The following S100A12 variants were observed in gnomAD, a reference collection of about 807,000 sequenced individuals.
S100A12 encodes the protein protein S100-A12.
S100A12 carries 3 observed loss-of-function variants against 4.0 expected under a neutral mutation model. The observed-to-expected ratio is 0.75, with a 90% CI of 0.34 to 1.94. The LOEUF (loss-of-function observed/expected upper bound fraction) is 1.94, where lower values mean the gene tolerates loss of function less well. Among genes scored for constraint, S100A12 ranks in the 30% most tolerant of loss-of-function variants. The probability of loss-of-function intolerance (pLI) is 0.07; values close to 1 mark genes in which losing one functional copy is unlikely to be tolerated. For missense variants in S100A12, 122 were observed against 107.0 expected, an observed-to-expected ratio of 1.14 and a Z score of -0.62; for synonymous variants, 50 against 41.4, an observed-to-expected ratio of 1.21 and a Z score of -0.79.
intron 1 of S100A12, 96 bp downstream of exon 1, chr1:153,375,456 G>A (rs1661713598): frequency 6.6e-6 from 1 of 152,454 alleles, no homozygotes; most frequent in East Asian, 1.9e-4. Flanking sequence ...GCAAGTGGAG[G>A]GTTGTGGTTT....
chr1:153,373,997 G>A (rs1254774284), intron 2 of S100A12, 30 bp from the exon 3 acceptor site: 5 of 1,610,208 alleles, frequency 3.1e-6, no homozygotes, highest in East Asian at 2.2e-5. Context: ...GAGACCTTGA[G>A]TTCAGAACCT....
Position 153,373,761 on chromosome 1 carries a change from T to G in S100A12, c.*66A>C. 1 of 1,386,200 alleles carries G rather than the reference T, an allele frequency of 7.2e-7. No homozygotes were observed. Among genetic ancestry groups the G allele is most frequent in the Non-Finnish European group, 1.0e-6 (1 of 979,054 alleles). The allele number at this position is 1,386,200 out of a possible 1,614,324, so 85.9% of individuals were successfully genotyped here. A position where few individuals can be genotyped will look rare whatever the true frequency, so the allele number is the denominator to read the frequency against. On this transcript the variant is annotated 3_prime_UTR_variant, in exon 3 of 3. Transcript: ENST00000368737. ...TTACTCCCCACGGGCAAGGCTGGGT[T>G]TTGGTGAGGGAAAGAAAAGACCCTC...
rs149178986 is a variant in S100A12, at chr1:153,374,547, G to A, written c.46C>T (p.His16Tyr). 1 of 1,613,616 alleles carries A rather than the reference G, an allele frequency of 6.2e-7. No individual in the cohort carries two copies. Among genetic ancestry groups the A allele is most frequent in the Non-Finnish European group, 8.5e-7 (1 of 1,179,574 alleles). The change falls in exon 2 of 3, where the codon CAC (histidine) becomes TAC (tyrosine). Residue 16 changes from histidine (H) to tyrosine (Y), a missense_variant. Transcript: ENST00000368737. ...TGCCCCTTCCGAACTGAGTATTGGT[G>A]GAAGATATTGACAATTCCCTCCAGA... ...EHLEGIVNIF[H>Y]QYSVRKGHFD...
intron 1 of S100A12, among the ~76,000 whole-genome samples, chr1:153,375,110 G>A (rs557965597): frequency 3.3e-5 from 5 of 152,248 alleles, no homozygotes; most frequent in Admixed American, 6.5e-5. Context: ...GCAGTAGGGC[G>A]ATCTCGGCTC....
At chr1:153,374,049 C>G (rs2233864) in intron 2 of S100A12, 82 bp from the exon 3 acceptor site, 1 of 1,377,426 alleles carries the variant, frequency 7.3e-7, no homozygotes, top group African/African-American at 1.4e-5. Flanking sequence ...CCTCAGAGCT[C>G]GGGTTGTGAA....
At chr1:153,374,957 A>C (rs1341709139) in intron 1 of S100A12, among the ~76,000 whole-genome samples, 1 of 152,198 alleles carries the variant, frequency 6.6e-6, no homozygotes, top group African/African-American at 2.4e-5. Context: ...AGGTGATGGC[A>C]CTATGGCCAC....
chr1:153,375,327 C>T (rs913176747), intron 1 of S100A12, among the ~76,000 whole-genome samples: 3 of 152,116 alleles, frequency 2.0e-5, no homozygotes, highest in Non-Finnish European at 2.9e-5. Flanking sequence ...GGATTACAGG[C>T]GTGAGCCACC....
At chr1:153,375,337 C>T (rs1045436276) in intron 1 of S100A12, among the ~76,000 whole-genome samples, 5 of 152,206 alleles carry the variant, frequency 3.3e-5, no homozygotes, top group East Asian at 3.9e-4. Flanking sequence ...CGTGAGCCAC[C>T]GTACCCGGCC....
intron 2 of S100A12, 68 bp from the exon 3 acceptor site, chr1:153,374,035 T>C (rs1336205326): frequency 1.4e-6 from 2 of 1,473,156 alleles, no homozygotes; most frequent in Non-Finnish European, 1.9e-6. Flanking sequence ...TTAGGCCTCT[T>C]ATCCCTCAGA....
In S100A12 at chr1:153,374,465, T is replaced by C; in HGVS notation, c.128A>G (p.Asn43Ser). The C allele has an allele frequency of 6.2e-7, 1 of 1,613,534 alleles. No individual in the cohort carries two copies. The highest frequency in any genetic ancestry group is 1.1e-5 in the South Asian group (1 of 91,020). ...AGGGGCATCACCTACCTTGATGGTG[T>C]TTGCAAGCTCCTTTGTAAGCAGCTG... Reference protein sequence around the residue: ...LKQLLTKELANTIKNIKDKAV... With the variant: ...LKQLLTKELASTIKNIKDKAV... The change falls in exon 2 of 3, where the codon AAC (asparagine) becomes AGC (serine). Residue 43 changes from asparagine to serine, a missense_variant. Transcript: ENST00000368737.
In S100A12 at chr1:153,373,974, A is replaced by T; in HGVS notation, c.139-7T>A. On this transcript the variant is annotated splice_region_variant and splice_polypyrimidine_tract_variant and intron_variant, in intron 2 of 2. Coordinates refer to ENST00000368737, the MANE Select transcript of S100A12 (RefSeq NM_005621.2). ...CAGCTTTATCTTTGATATTCTAGGA[A>T]AAAAGGACAACAGAGACCTTGAGTT... is the stretch of plus-strand genomic sequence containing the variant. 1.2e-6 allele frequency: 2 copies of T among 1,613,590 alleles called. No homozygotes were observed. Among genetic ancestry groups the T allele is most frequent in the Non-Finnish European group, 1.7e-6 (2 of 1,179,498 alleles).
chr1:153,374,240 C>A (rs576820745), intron 2 of S100A12, among the ~76,000 whole-genome samples: 1 of 152,298 alleles, frequency 6.6e-6, no homozygotes, highest in Non-Finnish European at 1.5e-5. Context: ...TATGAGGAAA[C>A]AGACTCAGAG....
intron 1 of S100A12, among the ~76,000 whole-genome samples, chr1:153,375,063 T>C (rs1417769840): frequency 6.6e-6 from 1 of 151,838 alleles, no homozygotes; most frequent in Non-Finnish European, 1.5e-5. Flanking sequence ...TTGTTTGTTT[T>C]TGAGACGGAG....
Position 153,373,917 on chromosome 1 carries a change from A to G in S100A12, c.189T>C (p.Ala63=), listed in dbSNP as rs1364099851. 3 of 1,613,010 alleles carry G rather than the reference A, an allele frequency of 1.9e-6. No homozygotes were observed. In the East Asian group the frequency reaches 6.7e-5, roughly 36 times the overall value. Residue 63 remains alanine (A), a synonymous_variant, in exon 3 of 3, where the codon GCT becomes GCC. Transcript: ENST00000368737. ...VIDEIFQGLD[A]NQDEQVDFQE... ...GAAAGTCGACCTGTTCATCTTGATTAGCATCCAGGCCTTGGAATATTTCAT... is the reference window on the plus strand; with the variant it reads ...GAAAGTCGACCTGTTCATCTTGATTGGCATCCAGGCCTTGGAATATTTCAT...
chr1:153,374,439 GA>G lies in S100A12; in HGVS notation c.138+15del. On this transcript the variant is annotated intron_variant, in intron 2 of 2. Coordinates refer to ENST00000368737, the MANE Select transcript of S100A12 (RefSeq NM_005621.2). ...AGGGTCATGGGCAAGTTTGCAGTGA[GA>G]GGGGCATCACCTACCTTGATGGTGT... 2 of 1,608,416 alleles carry G rather than the reference GA, an allele frequency of 1.2e-6. No individual in the cohort carries two copies. The highest frequency in any genetic ancestry group is 1.7e-6 in the Non-Finnish European group (2 of 1,177,098).
At chr1:153,374,695 G>T in intron 1 of S100A12, 83 bp from the exon 2 acceptor site, 1 of 928,098 alleles carries the variant, frequency 1.1e-6, no homozygotes, top group Non-Finnish European at 1.7e-6. Context: ...TGAATCAAGG[G>T]CCTAAAGAAA....
intron 2 of S100A12, 64 bp from the exon 3 acceptor site, chr1:153,374,031 C>A (rs764081240): frequency 6.7e-7 from 1 of 1,492,412 alleles, no homozygotes. Context: ...TTTCTTAGGC[C>A]TCTTATCCCT....
chr1:153,375,085 CG>C (rs1365002106), intron 1 of S100A12, among the ~76,000 whole-genome samples: 1 of 152,096 alleles, frequency 6.6e-6, no homozygotes, highest in African/African-American at 2.4e-5. Context: ...CTCACTCTGC[CG>C]CCCAGGCTGG....
chr1:153,374,366 G>C, intron 2 of S100A12, 89 bp downstream of exon 2: 1 of 1,393,012 alleles, frequency 7.2e-7, no homozygotes, highest in Non-Finnish European at 9.8e-7. Flanking sequence ...CCCCACCCCA[G>C]TCCTTGTCCC....
Sources: allele counts gnomAD v4.1 joint callset (sites outside exome capture counted in the v4.1 genomes callset), GRCh38; gene constraint gnomAD v4.1.1; transcripts MANE v1.5; gene names NCBI Gene and HGNC (gene_info 2026-07-23, HGNC 2026-07-21).